Variants in KCTD16 observed in about 807,000 individuals in gnomAD.
KCTD16 encodes BTB/POZ domain-containing protein KCTD16.
In KCTD16, 13 loss-of-function variants were observed where a neutral mutation model predicts 33.2. The observed-to-expected ratio is 0.39, with a 90% confidence interval of 0.25 to 0.62. The LOEUF (loss-of-function observed/expected upper bound fraction) is 0.62, where lower values mean the gene tolerates loss of function less well. KCTD16 is among the 20% of genes least tolerant of loss of function. KCTD16 has a pLI of 0.50. For missense variants in KCTD16, 441 were observed against 525.1 expected (o/e 0.84, Z 1.57); for synonymous variants, 197 against 195.3 (o/e 1.01, Z -0.07).
intron 3 of KCTD16, among the ~76,000 whole-genome samples, chr5:144,373,263 A>T (rs1159964314): frequency 6.6e-6 from 1 of 152,104 alleles, no homozygotes; most frequent in Non-Finnish European, 1.5e-5. Context: ...CATGAAATAG[A>T]CTGGTTGTGA....
chr5:144,361,473 C>T (rs959621245), intron 3 of KCTD16, among the ~76,000 whole-genome samples: 6 of 152,260 alleles, frequency 3.9e-5, no homozygotes, highest in Non-Finnish European at 5.9e-5. Flanking sequence ...TGCAAAGTAA[C>T]GATTCAGATG....
At chr5:144,189,408 A>T (rs1361534406) in intron 2 of KCTD16, among the ~76,000 whole-genome samples, 2 of 151,776 alleles carry the variant, frequency 1.3e-5, no homozygotes, top group Non-Finnish European at 2.9e-5. Context: ...AGGCAGGAGA[A>T]TGGCGTGAAC....
intron 3 of KCTD16, among the ~76,000 whole-genome samples, chr5:144,335,324 A>G (rs932332211): frequency 2.0e-5 from 3 of 152,230 alleles, no homozygotes; most frequent in Admixed American, 6.5e-5. Flanking sequence ...GAAAAATGTG[A>G]CCCACACCCA....
intron 3 of KCTD16, among the ~76,000 whole-genome samples, chr5:144,273,415 G>A (rs1755355073): frequency 6.6e-6 from 1 of 152,144 alleles, no homozygotes; most frequent in African/African-American, 2.4e-5. Flanking sequence ...CAGTATGACA[G>A]TTCATCAAAA....
chr5:144,346,441 C>T (rs775202712), intron 3 of KCTD16, among the ~76,000 whole-genome samples: 3 of 152,118 alleles, frequency 2.0e-5, no homozygotes, highest in Non-Finnish European at 2.9e-5. Flanking sequence ...AAACTATTCT[C>T]CAAAGTGGCT....
chr5:144,315,925 G>A (rs1751898393), intron 3 of KCTD16, among the ~76,000 whole-genome samples: 1 of 151,224 alleles, frequency 6.6e-6, no homozygotes, highest in Non-Finnish European at 1.5e-5. Flanking sequence ...TAACACCAAG[G>A]CACACCTGTA....
At chr5:144,246,582 A>C (rs1250067474) in intron 3 of KCTD16, among the ~76,000 whole-genome samples, 1 of 152,242 alleles carries the variant, frequency 6.6e-6, no homozygotes, top group Non-Finnish European at 1.5e-5. Context: ...GAAACTGGAT[A>C]TAGGGTATTG....
intron 3 of KCTD16, among the ~76,000 whole-genome samples, chr5:144,300,020 T>C (rs1751387848): frequency 6.6e-6 from 1 of 152,156 alleles, no homozygotes; most frequent in African/African-American, 2.4e-5. Context: ...TCGATACAGA[T>C]TATCCTATGA....
At chr5:144,274,329 C>T (rs1407975466) in intron 3 of KCTD16, among the ~76,000 whole-genome samples, 1 of 151,876 alleles carries the variant, frequency 6.6e-6, no homozygotes, top group Non-Finnish European at 1.5e-5. Flanking sequence ...GGTAGCTTGG[C>T]TAGGTTAAGG....
At chr5:144,252,755 A>T (rs1321348895) in intron 3 of KCTD16, among the ~76,000 whole-genome samples, 2 of 151,990 alleles carry the variant, frequency 1.3e-5, no homozygotes, top group Non-Finnish European at 2.9e-5. Context: ...GATTATGTAC[A>T]TCAGAGAAGC....
At chr5:144,187,681 A>G (rs889972767) in intron 2 of KCTD16, among the ~76,000 whole-genome samples, 7 of 152,332 alleles carry the variant, frequency 4.6e-5, no homozygotes, top group African/African-American at 1.7e-4. Context: ...ATTCTTTAGC[A>G]GTTGATCTCT....
chr5:144,357,836 A>C (rs1306211214), intron 3 of KCTD16, among the ~76,000 whole-genome samples: 1 of 152,184 alleles, frequency 6.6e-6, no homozygotes, highest in Non-Finnish European at 1.5e-5. Flanking sequence ...CTTTTGAGCC[A>C]AAGCCCTCCT....
At chr5:144,326,985 G>T (rs1008366042) in intron 3 of KCTD16, among the ~76,000 whole-genome samples, 18 of 152,134 alleles carry the variant, frequency 1.2e-4, no homozygotes, top group Admixed American at 1.0e-3. Context: ...TGAGGAAATT[G>T]CAGAGTTTTG....
chr5:144,275,992 C>A (rs932474258), intron 3 of KCTD16, among the ~76,000 whole-genome samples: 2 of 152,094 alleles, frequency 1.3e-5, no homozygotes, highest in Admixed American at 6.6e-5. Flanking sequence ...CAAAGTGGCC[C>A]CAGGAAAATT....
intron 3 of KCTD16, among the ~76,000 whole-genome samples, chr5:144,312,687 C>G (rs971580999): frequency 6.6e-6 from 1 of 152,210 alleles, no homozygotes; most frequent in African/African-American, 2.4e-5. Flanking sequence ...GAGAAGGTGT[C>G]TGCCACAAAG....
chr5:144,213,648 G>A (rs765749815), intron 3 of KCTD16, among the ~76,000 whole-genome samples: 1 of 152,136 alleles, frequency 6.6e-6, no homozygotes, highest in Admixed American at 6.6e-5. Context: ...GTTTTCACAG[G>A]TGACAGCAAG....
chr5:144,257,638 A>G (rs1754888450), intron 3 of KCTD16, among the ~76,000 whole-genome samples: 1 of 151,734 alleles, frequency 6.6e-6, no homozygotes, highest in African/African-American at 2.4e-5. Context: ...ACAGGCGCCC[A>G]CCACCACGCC....
In KCTD16 at chr5:144,211,130, T is replaced by C. The variant is rs146816423; in HGVS notation, c.832+3584T>C. ...CAGTATATATCTTCAGGATTATTGATTAAGATAGGCTGTTGGAAAAAAGTA... is the reference window on the plus strand; with the variant it reads ...CAGTATATATCTTCAGGATTATTGACTAAGATAGGCTGTTGGAAAAAAGTA... On this transcript the variant is annotated intron_variant, in intron 3 of 3. Coordinates refer to ENST00000512467, the MANE Select transcript of KCTD16 (RefSeq NM_020768.4). Among the ~76,000 whole-genome samples the C allele has an allele frequency of 3.0e-3, 460 of 152,060 alleles. 3 individuals are homozygous for C. Among genetic ancestry groups the C allele is most frequent in the Non-Finnish European group, 4.9e-3 (334 of 67,900 alleles).
At chr5:144,257,035 A>G (rs1754867376) in intron 3 of KCTD16, among the ~76,000 whole-genome samples, 1 of 152,192 alleles carries the variant, frequency 6.6e-6, no homozygotes, top group African/African-American at 2.4e-5. Context: ...AGTAATATGT[A>G]TATCATAATC....
Sources: gnomAD v4.1 joint callset for allele counts (sites outside exome capture counted in the v4.1 genomes callset) on GRCh38, gnomAD v4.1.1 for gene constraint, MANE v1.5 for transcripts, NCBI Gene and HGNC (gene_info 2026-07-23, HGNC 2026-07-21) for gene names.